Variants in RAP1A observed in about 807,000 individuals in gnomAD.
The protein encoded by RAP1A is RAP1A, member of RAS oncogene family, also known as ras-related protein Rap-1A.
In RAP1A, 6 loss-of-function variants were observed where a neutral mutation model predicts 26.4. The observed-to-expected ratio is 0.23, with a 90% CI of 0.12 to 0.45. RAP1A has a LOEUF of 0.45. Ranked by LOEUF, RAP1A falls within the 20% of genes least tolerant of loss-of-function variation. The pLI is 0.99. For missense variants in RAP1A, 121 were observed against 217.2 expected (o/e 0.56, Z 2.78); for synonymous variants, 73 against 79.4 (o/e 0.92, Z 0.43).
intron 1 of RAP1A, among the ~76,000 whole-genome samples, chr1:111,569,150 C>T (rs1468971963): frequency 2.0e-5 from 3 of 152,076 alleles, no homozygotes; most frequent in Admixed American, 2.0e-4. Flanking sequence ...CGCCTGTAAT[C>T]CCAGCACTTT....
At chr1:111,591,417 A>G (rs1658469250) in intron 1 of RAP1A, among the ~76,000 whole-genome samples, 1 of 152,090 alleles carries the variant, frequency 6.6e-6, no homozygotes, top group Admixed American at 6.5e-5. Flanking sequence ...TGGACATGTG[A>G]CTCATTAATT....
At chr1:111,697,672 T>C (rs551942399) in intron 4 of RAP1A, among the ~76,000 whole-genome samples, 175 bp downstream of exon 4, 1 of 152,306 alleles carries the variant, frequency 6.6e-6, no homozygotes, top group South Asian at 2.1e-4. Flanking sequence ...TAGTTCATGC[T>C]CACATATCAC....
intron 1 of RAP1A, among the ~76,000 whole-genome samples, chr1:111,646,420 TAAA>T (rs34766711): frequency 9.3e-6 from 1 of 107,038 alleles, no homozygotes; most frequent in Non-Finnish European, 1.9e-5. Context: ...TTCCTTTTTG[TAAA>T]AAAAAAAAAA....
chr1:111,629,243 T>C (rs979243237), intron 1 of RAP1A, among the ~76,000 whole-genome samples: 9 of 152,174 alleles, frequency 5.9e-5, no homozygotes, highest in Non-Finnish European at 1.3e-4. Context: ...AAACATTACT[T>C]TTAGTGTTCC....
chr1:111,709,089 T>C (rs1662290763), intron 6 of RAP1A, 60 bp from the exon 7 acceptor site: 2 of 1,552,864 alleles, frequency 1.3e-6, no homozygotes, highest in East Asian at 4.5e-5. Context: ...CAGAATTGTT[T>C]TGTGGAACAA....
At chr1:111,649,149 G>A (rs1216669256) in intron 1 of RAP1A, 4 of 568,286 alleles carry the variant, frequency 7.0e-6, no homozygotes, top group African/African-American at 1.9e-5. Context: ...ATTGTCCACA[G>A]TATTTAAGAA....
chr1:111,632,402 A>G (rs1333822144), intron 1 of RAP1A, among the ~76,000 whole-genome samples: 2 of 152,204 alleles, frequency 1.3e-5, no homozygotes, highest in Non-Finnish European at 2.9e-5. Context: ...ATGAAAGTAA[A>G]TATAAGTAAT....
intron 1 of RAP1A, among the ~76,000 whole-genome samples, chr1:111,548,214 T>C (rs1657110238): frequency 6.6e-6 from 1 of 152,082 alleles, no homozygotes; most frequent in South Asian, 2.1e-4. Context: ...AGAGATGGGG[T>C]TTCCCCATGT....
At chr1:111,580,356 C>T (rs994021652) in intron 1 of RAP1A, among the ~76,000 whole-genome samples, 2 of 152,124 alleles carry the variant, frequency 1.3e-5, no homozygotes, top group Admixed American at 1.3e-4. Flanking sequence ...GGAGGAGAAG[C>T]AACTTTGGGA....
At chr1:111,603,454 G>C (rs947314109) in intron 1 of RAP1A, among the ~76,000 whole-genome samples, 2 of 152,238 alleles carry the variant, frequency 1.3e-5, no homozygotes, top group African/African-American at 4.8e-5. Flanking sequence ...TGGGGACTCT[G>C]AGATGAAAGG....
chr1:111,642,492 C>CTTT (rs111801242), intron 1 of RAP1A, among the ~76,000 whole-genome samples: 1 of 143,106 alleles, frequency 7.0e-6, no homozygotes, highest in Non-Finnish European at 1.5e-5. Flanking sequence ...TAGGTGTTAA[C>CTTT]TTTTTTTTTT....
At chr1:111,639,890 G>A (rs1274215769) in intron 1 of RAP1A, among the ~76,000 whole-genome samples, 2 of 152,094 alleles carry the variant, frequency 1.3e-5, no homozygotes, top group African/African-American at 4.8e-5. Context: ...TCATGGTAGT[G>A]GTATGCTTTT....
intron 1 of RAP1A, among the ~76,000 whole-genome samples, chr1:111,567,485 T>A (rs1029921801): frequency 6.6e-6 from 1 of 152,178 alleles, no homozygotes; most frequent in Non-Finnish European, 1.5e-5. Context: ...CTCCCCAGAA[T>A]AAAATGACAA....
intron 1 of RAP1A, among the ~76,000 whole-genome samples, chr1:111,639,944 G>C (rs1355271067): frequency 6.6e-6 from 1 of 152,220 alleles, no homozygotes; most frequent in Admixed American, 6.5e-5. Flanking sequence ...TGGTGATTTT[G>C]TGTCGAGGTT....
At chr1:111,639,038 A>T (rs1490640351) in intron 1 of RAP1A, among the ~76,000 whole-genome samples, 1 of 152,170 alleles carries the variant, frequency 6.6e-6, no homozygotes, top group Non-Finnish European at 1.5e-5. Context: ...TGGAACCATA[A>T]CATTTCTGTC....
intron 1 of RAP1A, among the ~76,000 whole-genome samples, chr1:111,685,049 A>G (rs556544964): frequency 8.5e-5 from 13 of 152,360 alleles, no homozygotes; most frequent in African/African-American, 3.1e-4. Flanking sequence ...TCCTTATTTA[A>G]TAAATGGTGT....
chr1:111,607,500 A>C (rs1210471693), intron 1 of RAP1A, among the ~76,000 whole-genome samples: 4 of 152,130 alleles, frequency 2.6e-5, no homozygotes, highest in African/African-American at 7.2e-5. Flanking sequence ...CATTGTCATC[A>C]TGGCCCGTTC....
At chr1:111,616,783 T>C (rs1659022262), upstream of RAP1A, among the ~76,000 whole-genome samples, 2 of 151,956 alleles carry the variant, frequency 1.3e-5, no homozygotes, top group Non-Finnish European at 2.9e-5. Flanking sequence ...CCTTGCTGAG[T>C]GGTCTCACTT....
chr1:111,678,452 A>G (rs1035971196), intron 1 of RAP1A, among the ~76,000 whole-genome samples: 1 of 152,158 alleles, frequency 6.6e-6, no homozygotes, highest in Non-Finnish European at 1.5e-5. Context: ...CATAATGGGG[A>G]GAAATGCCTT....
Sources: allele counts gnomAD v4.1 joint callset (sites outside exome capture counted in the v4.1 genomes callset), GRCh38; gene constraint gnomAD v4.1.1; transcripts MANE v1.5; gene names NCBI Gene and HGNC (gene_info 2026-07-23, HGNC 2026-07-21).